Variants in FTO observed in about 807,000 individuals in gnomAD.
FTO encodes FTO alpha-ketoglutarate dependent dioxygenase, also known as alpha-ketoglutarate-dependent dioxygenase FTO.
Under a neutral mutation model 63.9 loss-of-function variants are expected in FTO, and 47 were observed. That is an observed-to-expected ratio of 0.74 (90% CI 0.58 to 0.94). The LOEUF (loss-of-function observed/expected upper bound fraction) is 0.94, where lower values mean the gene tolerates loss of function less well. FTO is among the 40% of genes least tolerant of loss of function. The pLI is 0.00. For synonymous variants in FTO, 207 were observed against 224.4 expected (o/e 0.92, Z 0.69); for missense variants, 562 against 618.1 (o/e 0.91, Z 0.96).
chr16:53,722,827 CA>C (rs34522072), intron 1 of FTO, among the ~76,000 whole-genome samples: 108,609 of 141,548 alleles, frequency 0.77, 41,172 homozygotes, highest in Middle Eastern at 0.9. Flanking sequence ...GACGCCACCT[CA>C]AAAAAAAAAA....
In FTO at chr16:53,783,210, G is replaced by T. The variant is rs559795965; in HGVS notation, c.46-26930G>T. On this transcript the variant is annotated intron_variant, in intron 1 of 8. Coordinates refer to ENST00000471389, the MANE Select transcript of FTO (RefSeq NM_001080432.3). The stretch of plus-strand genomic sequence containing the variant: ...AAAATTTAATTTGACTGCTGGGTGC[G>T]GTGGCTCACTCCTGTAATCCCAGCA... Among the ~76,000 whole-genome samples, 15 of 152,086 alleles carry T rather than the reference G, an allele frequency of 9.9e-5. No homozygotes were observed. In the South Asian group the frequency reaches 1.5e-3, roughly 15 times the overall value.
intron 8 of FTO, among the ~76,000 whole-genome samples, chr16:53,942,353 A>G (rs926394672): frequency 6.6e-6 from 1 of 152,230 alleles, no homozygotes; most frequent in African/African-American, 2.4e-5. Flanking sequence ...CTTGAGGAAG[A>G]GAACACCATG....
intron 1 of FTO, among the ~76,000 whole-genome samples, chr16:53,710,896 T>C (rs2075756233): frequency 6.6e-6 from 1 of 152,140 alleles, no homozygotes; most frequent in Non-Finnish European, 1.5e-5. Flanking sequence ...AATATAGTGG[T>C]GTAGTGTGGA....
chr16:53,883,622 C>CAAAAA lies in FTO; in HGVS notation c.1119+3644_1119+3648dup, dbSNP rs36010057. Among the ~76,000 whole-genome samples the CAAAAA allele has an allele frequency of 2.8e-3, 164 of 59,154 alleles. 16 individuals carry two copies. Among genetic ancestry groups the CAAAAA allele is most frequent in the African/African-American group, 0.013 (153 of 11,882 alleles). The allele number at this position is 59,154 out of a possible 152,430, so 38.8% of individuals were successfully genotyped here. On this transcript the variant is annotated intron_variant, in intron 6 of 8. Transcript: ENST00000471389. ...GGGCAACAAGGGCGAAACTCTATCTCAAAAAAAAAAAAACAAAAAAAAAAA... is the reference window on the plus strand; with the variant it reads ...GGGCAACAAGGGCGAAACTCTATCTCAAAAAAAAAAAAAAAAAACAAAAAAAAAAA...
intron 1 of FTO, among the ~76,000 whole-genome samples, chr16:53,736,569 C>T (rs548085457): frequency 1.1e-4 from 16 of 152,186 alleles, no homozygotes; most frequent in Non-Finnish European, 1.9e-4. Context: ...CTCAAAATAC[C>T]TCCTTCCAGC....
intron 1 of FTO, among the ~76,000 whole-genome samples, chr16:53,807,467 C>T (rs1412839512): frequency 3.3e-5 from 5 of 152,166 alleles, no homozygotes; most frequent in African/African-American, 1.2e-4. Flanking sequence ...TAATTATAAG[C>T]AGAGGTTCAG....
At chr16:54,081,201 A>T (rs1336174152) in intron 8 of FTO, among the ~76,000 whole-genome samples, 1 of 152,100 alleles carries the variant, frequency 6.6e-6, no homozygotes, top group East Asian at 1.9e-4. Context: ...GAGAGAGAAG[A>T]GGTAACTGAC....
intron 8 of FTO, among the ~76,000 whole-genome samples, chr16:54,108,705 C>T (rs1416295680): frequency 1.3e-5 from 2 of 152,114 alleles, no homozygotes; most frequent in Non-Finnish European, 2.9e-5. Context: ...CTAAACACTG[C>T]GTATAATTCA....
intron 8 of FTO, among the ~76,000 whole-genome samples, chr16:54,080,617 G>T (rs708262): frequency 0.3 from 46,174 of 152,044 alleles, 7,221 homozygotes; most frequent in African/African-American, 0.37. Flanking sequence ...TGAATTTCAG[G>T]CTGAAGGACC....
chr16:53,866,354 T>C (rs1759239080), intron 4 of FTO, among the ~76,000 whole-genome samples: 1 of 152,184 alleles, frequency 6.6e-6, no homozygotes, highest in African/African-American at 2.4e-5. Flanking sequence ...TCTTTAGTTT[T>C]CCTTTTTGTA....
chr16:54,076,989 C>T (rs755776899), intron 8 of FTO, among the ~76,000 whole-genome samples: 1 of 152,104 alleles, frequency 6.6e-6, no homozygotes, highest in Non-Finnish European at 1.5e-5. Context: ...TTCAGTTAAT[C>T]GGCCTATGTG....
At chr16:53,997,419 A>G (rs1306064397) in intron 8 of FTO, among the ~76,000 whole-genome samples, 2 of 152,112 alleles carry the variant, frequency 1.3e-5, no homozygotes, top group African/African-American at 4.8e-5. Context: ...TGTTTGGGGT[A>G]CTATCGGAGA....
At chr16:53,973,672 G>T (rs1230206577) in intron 8 of FTO, among the ~76,000 whole-genome samples, 1 of 152,066 alleles carries the variant, frequency 6.6e-6, no homozygotes, top group African/African-American at 2.4e-5. Flanking sequence ...TTCAAATTCA[G>T]TTGCCAACAG....
At chr16:53,893,450 GAA>G (rs2081202762) in intron 7 of FTO, among the ~76,000 whole-genome samples, 1 of 152,162 alleles carries the variant, frequency 6.6e-6, no homozygotes, top group Non-Finnish European at 1.5e-5. Context: ...ATGAAAAGCT[GAA>G]GTCTCCTGTG....
intron 8 of FTO, among the ~76,000 whole-genome samples, chr16:54,054,262 T>C (rs1177431571): frequency 3.9e-5 from 6 of 152,144 alleles, no homozygotes; most frequent in Non-Finnish European, 5.9e-5. Context: ...TCCATTACAC[T>C]AACCATAAAA....
chr16:53,845,715 T>G (rs1410276463), intron 4 of FTO, among the ~76,000 whole-genome samples: 1 of 152,150 alleles, frequency 6.6e-6, no homozygotes, highest in Non-Finnish European at 1.5e-5. Context: ...AGATCCTGAG[T>G]CTGAGTCCTA....
At chr16:53,796,266 A>T (rs1356141503) in intron 1 of FTO, among the ~76,000 whole-genome samples, 1 of 151,890 alleles carries the variant, frequency 6.6e-6, no homozygotes, top group Non-Finnish European at 1.5e-5. Flanking sequence ...CTAATCTGGA[A>T]CTCCTGACCT....
intron 1 of FTO, among the ~76,000 whole-genome samples, chr16:53,795,453 G>A (rs990990447): frequency 6.4e-4 from 97 of 151,736 alleles, no homozygotes; most frequent in Non-Finnish European, 1.2e-3. Flanking sequence ...ATACATTTGT[G>A]TGTGTGTGTG....
At position 53,918,925 on chromosome 16, in the gene FTO, G is replaced by A. The variant is rs566826996; in HGVS notation, c.1240-15060G>A. Among the ~76,000 whole-genome samples the A allele has an allele frequency of 2.0e-5, 3 of 152,232 alleles. No individual in the cohort carries two copies. In the South Asian group the frequency reaches 6.2e-4, roughly 32 times the overall value. On this transcript the variant is annotated intron_variant, in intron 7 of 8. Transcript: ENST00000471389. The stretch of plus-strand genomic sequence containing the variant: ...TGATATTAAAGAGTTACTTAATTTA[G>A]CTAAGCCTCAGTTTCCTTGTCTATA...
Sources: gnomAD v4.1 joint callset for allele counts (sites outside exome capture counted in the v4.1 genomes callset) on GRCh38, gnomAD v4.1.1 for gene constraint, MANE v1.5 for transcripts, NCBI Gene and HGNC (gene_info 2026-07-23, HGNC 2026-07-21) for gene names.